RET: variants seen among roughly 807,000 people sequenced by gnomAD.
RET encodes the protein proto-oncogene tyrosine-protein kinase receptor Ret.
Under a neutral mutation model 118.3 loss-of-function variants are expected in RET, and 19 were observed. That is an observed-to-expected ratio of 0.16 (90% CI 0.11 to 0.24). The LOEUF is 0.24. RET is among the 10% of genes least tolerant of loss of function. RET has a pLI of 1.00. For synonymous variants in RET, 597 were observed against 644.1 expected (o/e 0.93, Z 1.11); for missense variants, 1,219 against 1,502.1 (o/e 0.81, Z 3.12).
At position 43,110,225 on chromosome 10, in the gene RET, G is replaced by A. The variant is rs553474246; in HGVS notation, c.1264-982G>A. Among the ~76,000 whole-genome samples, 782 of 152,308 alleles carry A rather than the reference G, an allele frequency of 5.1e-3. 15 individuals are homozygous for A. Among genetic ancestry groups the A allele is most frequent in the Non-Finnish European group, 3.5e-3 (236 of 68,020 alleles). ...AGTTGGGTCACCTGCCCTCTGTCAGGAGCAACGGGGGCCTGAATCCCAGTC... is the reference window on the plus strand; with the variant it reads ...AGTTGGGTCACCTGCCCTCTGTCAGAAGCAACGGGGGCCTGAATCCCAGTC... On this transcript the variant is annotated intron_variant, in intron 6 of 19. Coordinates refer to ENST00000355710, the MANE Select transcript of RET (RefSeq NM_020975.6).
At chr10:43,088,940 G>T (rs368434792) in intron 1 of RET, among the ~76,000 whole-genome samples, 3 of 152,164 alleles carry the variant, frequency 2.0e-5, no homozygotes, top group African/African-American at 4.8e-5. Flanking sequence ...CTTTCACTCT[G>T]GCTCTGCCCC....
At position 43,101,855 on chromosome 10, in the gene RET, C is replaced by T. The variant is rs182295359; in HGVS notation, c.338-487C>T. On this transcript the variant is annotated intron_variant, in intron 2 of 19. Coordinates refer to ENST00000355710, the MANE Select transcript of RET (RefSeq NM_020975.6). ...GGGAAGAGCAGCTCTGAGGAGCAGC[C>T]GCCCACCTAGGGCTGAGATGGAGGC... 4.7e-3 allele frequency among the ~76,000 whole-genome samples: 722 copies of T among 152,310 alleles called. 8 individuals are homozygous for T. The highest frequency in any genetic ancestry group is 0.016 in the African/African-American group (685 of 41,560).
chr10:43,130,035 T>A lies in RET; in HGVS notation c.*1766T>A, dbSNP rs947716147. 1 of 398,594 alleles carries A rather than the reference T, an allele frequency of 2.5e-6. No homozygotes were observed. Among genetic ancestry groups the A allele is most frequent in the Non-Finnish European group, 4.4e-6 (1 of 226,062 alleles). The allele number at this position is 398,594 out of a possible 1,614,324, so 24.7% of individuals were successfully genotyped here. A position where few individuals can be genotyped will look rare whatever the true frequency, so the allele number is the denominator to read the frequency against. ...TGCAACAGGTTTGTTCTCAGGAGGG[T>A]AAGAACTCCAGGTCTAAACAGCTGA... On this transcript the variant is annotated 3_prime_UTR_variant, in exon 20 of 20. Transcript: ENST00000355710.
At chr10:43,082,188 A>G (rs1253922767) in intron 1 of RET, among the ~76,000 whole-genome samples, 4 of 152,162 alleles carry the variant, frequency 2.6e-5, no homozygotes, top group Non-Finnish European at 5.9e-5. Context: ...AGCAGGCAGC[A>G]AGCTGTCCTT....
intron 1 of RET, among the ~76,000 whole-genome samples, chr10:43,079,104 C>T (rs966692679): frequency 4.6e-5 from 7 of 152,202 alleles, no homozygotes; most frequent in Non-Finnish European, 7.4e-5. Context: ...CTCTTGCGGA[C>T]GCTGCACTTT....
At chr10:43,081,966 C>T (rs568062174) in intron 1 of RET, among the ~76,000 whole-genome samples, 1 of 152,206 alleles carries the variant, frequency 6.6e-6, no homozygotes, top group Non-Finnish European at 1.5e-5. Flanking sequence ...CTTTCTCCCC[C>T]CTTCTCTGAG....
At chr10:43,104,160 G>A (rs1036608470) in intron 3 of RET, among the ~76,000 whole-genome samples, 2 of 152,218 alleles carry the variant, frequency 1.3e-5, no homozygotes, top group South Asian at 2.1e-4. Context: ...CACACTAGGC[G>A]GTCGGAAATC....
At chr10:43,097,637 C>A (rs1407102787) in intron 1 of RET, among the ~76,000 whole-genome samples, 1 of 152,168 alleles carries the variant, frequency 6.6e-6, no homozygotes, top group Non-Finnish European at 1.5e-5. Flanking sequence ...AAATGCAGCA[C>A]CCCCTCCCAC....
Position 43,130,326 on chromosome 10 carries a change from T to C in RET, c.*2057T>C, listed in dbSNP as rs2133064623. On this transcript the variant is annotated 3_prime_UTR_variant, in exon 20 of 20. Coordinates refer to ENST00000355710, the MANE Select transcript of RET (RefSeq NM_020975.6). Reference sequence around the variant, plus strand: ...TCAAGGTGACTAAGAAAATCAGTTGTGTAAATAAAATCATGTATCATAAAA... The same window carrying C: ...TCAAGGTGACTAAGAAAATCAGTTGCGTAAATAAAATCATGTATCATAAAA... The C allele has an allele frequency of 3.2e-6, 1 of 309,490 alleles. No individual in the cohort carries two copies. The highest frequency in any genetic ancestry group is 1.6e-4 in the South Asian group (1 of 6,220). 19.2% of individuals were successfully genotyped at this position (309,490 alleles called of 1,614,324 possible).
intron 1 of RET, among the ~76,000 whole-genome samples, chr10:43,080,067 T>A (rs894871517): frequency 5.9e-5 from 9 of 152,224 alleles, no homozygotes; most frequent in African/African-American, 2.2e-4. Context: ...AAATTGCCTT[T>A]CTTCTGCAGA....
At chr10:43,117,462 C>T (rs1268853186) in intron 12 of RET, among the ~76,000 whole-genome samples, 1 of 152,240 alleles carries the variant, frequency 6.6e-6, no homozygotes, top group African/African-American at 2.4e-5. Flanking sequence ...CACACCTGGT[C>T]CAAGGGGTCC....
chr10:43,107,400 G>A (rs557307897), intron 5 of RET, among the ~76,000 whole-genome samples: 5 of 152,232 alleles, frequency 3.3e-5, no homozygotes, highest in South Asian at 4.1e-4. Flanking sequence ...CAGGTACACC[G>A]ATGGCATGAC....
In RET at chr10:43,113,533, G is replaced by C. The variant is rs750538990; in HGVS notation, c.1760-23G>C. On this transcript the variant is annotated intron_variant, in intron 9 of 19. Transcript: ENST00000355710. ...GGGTGGTCAGGCGCCCCAGGAGGCTGAGTGGGCTACGTCTGCCCTCAGGGG... is the reference window on the plus strand; with the variant it reads ...GGGTGGTCAGGCGCCCCAGGAGGCTCAGTGGGCTACGTCTGCCCTCAGGGG... 10 of 1,594,976 alleles carry C rather than the reference G, an allele frequency of 6.3e-6. No homozygotes were observed. The East Asian group carries it at 2.3e-4, about 36-fold the overall frequency.
At chr10:43,081,782 C>T (rs952088363) in intron 1 of RET, among the ~76,000 whole-genome samples, 1 of 152,190 alleles carries the variant, frequency 6.6e-6, no homozygotes, top group African/African-American at 2.4e-5. Context: ...TCTGGCTCCC[C>T]CACTAGAACA....
rs1174566929 is a variant in RET at position 43,114,673 on chromosome 10, T to C, written c.2073T>C (p.Gly691=). 3 of 1,612,054 alleles carry C rather than the reference T, an allele frequency of 1.9e-6. No individual in the cohort carries two copies. Among genetic ancestry groups the C allele is most frequent in the Non-Finnish European group, 1.7e-6 (2 of 1,179,802 alleles). ...QAFPVSYSSS[G]ARRPSLDSME... The stretch of plus-strand genomic sequence containing the variant: ...TCCCGGTCAGCTACTCCTCTTCCGG[T>C]GCCCGCCGGCCCTCGCTGGACTCCA... Residue 691 remains glycine (G), a synonymous_variant, in exon 11 of 20, where the codon GGT becomes GGC. Transcript: ENST00000355710. This position sits in a 1 kb window ranked among gnomAD's most constrained non-coding sequence, Gnocchi z 4.6.
chr10:43,124,100 G>A (rs1249456611), intron 17 of RET, among the ~76,000 whole-genome samples: 1 of 152,140 alleles, frequency 6.6e-6, no homozygotes, highest in Non-Finnish European at 1.5e-5. Flanking sequence ...ACTTAGGGAG[G>A]AGAAGGTAAT....
rs567029563 is a variant in RET, at chr10:43,126,774, C to T, written c.3187+52C>T. On this transcript the variant is annotated intron_variant, in intron 19 of 19. Coordinates refer to ENST00000355710, the MANE Select transcript of RET (RefSeq NM_020975.6). The stretch of plus-strand genomic sequence containing the variant: ...TTCTAGCACCGCTGTCCCCTTTGCA[C>T]TATCCTTCCTCTCTGTGATGCTTTT... The T allele has an allele frequency of 2.5e-6, 4 of 1,602,138 alleles. No homozygotes were observed. The Admixed American group carries it at 7.0e-5, about 28-fold the overall frequency.
At chr10:43,115,667 A>G (rs575010463) in intron 11 of RET, among the ~76,000 whole-genome samples, 54 of 152,322 alleles carry the variant, frequency 3.5e-4, no homozygotes, top group Non-Finnish European at 1.5e-4. Flanking sequence ...GGCAGAGACC[A>G]CCACCCTAAC....
At chr10:43,095,413 T>C (rs1564487693) in intron 1 of RET, among the ~76,000 whole-genome samples, 1 of 152,182 alleles carries the variant, frequency 6.6e-6, no homozygotes, top group Non-Finnish European at 1.5e-5. Flanking sequence ...CCGATGAAGC[T>C]TGGCCTTGTG....
Sources: allele counts gnomAD v4.1 joint callset (sites outside exome capture counted in the v4.1 genomes callset), GRCh38; gene constraint gnomAD v4.1.1; non-coding constraint Gnocchi (gnomAD v3.1); transcripts MANE v1.5; gene names NCBI Gene and HGNC (gene_info 2026-07-23, HGNC 2026-07-21).